B4GALT1: variants seen among roughly 807,000 people sequenced by gnomAD.
B4GALT1 encodes beta-1,4-galactosyltransferase 1, also known as N-acetyllactosamine synthase.
Under a neutral mutation model 34.9 loss-of-function variants are expected in B4GALT1, and 16 were observed. That is an observed-to-expected ratio of 0.46 (90% CI 0.31 to 0.70). The LOEUF is 0.70. Ranked by LOEUF, B4GALT1 falls within the 30% of genes least tolerant of loss-of-function variation. The probability of loss-of-function intolerance (pLI) is 0.05; values close to 1 mark genes in which losing one functional copy is unlikely to be tolerated. For missense variants in B4GALT1, 445 were observed against 530.5 expected, an observed-to-expected ratio of 0.84 and a Z score of 1.58; for synonymous variants, 221 against 218.1, an observed-to-expected ratio of 1.01 and a Z score of -0.12.
intron 1 of B4GALT1, among the ~76,000 whole-genome samples, chr9:33,148,632 C>T (rs1039598741): frequency 1.3e-5 from 2 of 152,140 alleles, no homozygotes; most frequent in South Asian, 2.1e-4. Flanking sequence ...GACATATACA[C>T]GGCAACGTGG....
chr9:33,165,847 A>G (rs1262028775), intron 1 of B4GALT1, among the ~76,000 whole-genome samples: 1 of 152,190 alleles, frequency 6.6e-6, no homozygotes, highest in Admixed American at 6.5e-5. Flanking sequence ...AAACTCACCT[A>G]CTCAAGCTCT....
At chr9:33,174,975 AAAAAAAAAAAAAAAAAT>A in the B4GALT1 span, among the ~76,000 whole-genome samples, 1 of 39,902 alleles carries the variant, frequency 2.5e-5, no homozygotes, top group Non-Finnish European at 5.4e-5. Flanking sequence ...AAAAAAAAAA[AAAAAAAAAAAAAAAAAT>A]ATATATATAT....
intron 1 of B4GALT1, among the ~76,000 whole-genome samples, chr9:33,160,316 T>A (rs1840655892): frequency 6.6e-6 from 1 of 152,232 alleles, no homozygotes; most frequent in Non-Finnish European, 1.5e-5. Context: ...TGAATGATTT[T>A]TTTAAGTTAT....
intron 1 of B4GALT1, among the ~76,000 whole-genome samples, chr9:33,135,814 A>T (rs1840260496): frequency 2.0e-5 from 3 of 152,070 alleles, no homozygotes; most frequent in Non-Finnish European, 4.4e-5. Flanking sequence ...GTTGAGACTT[A>T]GCTCTGTGAC....
At chr9:33,119,315 C>T (rs557444708) in intron 3 of B4GALT1, among the ~76,000 whole-genome samples, 7 of 152,338 alleles carry the variant, frequency 4.6e-5, no homozygotes, top group South Asian at 2.1e-4. Context: ...ATACGCTAGT[C>T]GGGCATCTGG....
At chr9:33,179,142 C>T in the B4GALT1 span, among the ~76,000 whole-genome samples, 6 of 152,248 alleles carry the variant, frequency 3.9e-5, no homozygotes, top group Admixed American at 3.3e-4. Context: ...TTATCATATT[C>T]TGCCTCTAGT....
chr9:33,175,940 C>G, the B4GALT1 span, among the ~76,000 whole-genome samples: 1 of 152,278 alleles, frequency 6.6e-6, no homozygotes, highest in African/African-American at 2.4e-5. Flanking sequence ...AGTGACTTTT[C>G]CCCCACACGT....
At chr9:33,182,350 T>G in the B4GALT1 span, among the ~76,000 whole-genome samples, 1 of 152,202 alleles carries the variant, frequency 6.6e-6, no homozygotes, top group Non-Finnish European at 1.5e-5. Flanking sequence ...CTTAACTAAT[T>G]GCATCTGCAA....
At chr9:33,160,750 A>G (rs1840662473) in intron 1 of B4GALT1, among the ~76,000 whole-genome samples, 1 of 152,080 alleles carries the variant, frequency 6.6e-6, no homozygotes, top group Non-Finnish European at 1.5e-5. Flanking sequence ...GACAGAGCAA[A>G]AACCCTGTCT....
chr9:33,166,960 G>A lies in B4GALT1; in HGVS notation c.210C>T (p.Ile70=), dbSNP rs769929115. The A allele has an allele frequency of 1.3e-6, 2 of 1,578,752 alleles. No homozygotes were observed. The highest frequency in any genetic ancestry group is 1.8e-5 in the Admixed American group (1 of 55,242). Residue 70 remains isoleucine (I), a synonymous_variant, in exon 1 of 6, where the codon ATC becomes ATT. Transcript: ENST00000379731. ...TCCGGAGCTCCCCGGAGGACTGCCC[G>A]ATGGCGGCGGCACTGTTCGAGCCGC... ...LQGGSNSAAA[I]GQSSGELRTG... is the part of the protein sequence containing the mutation.
upstream of B4GALT1, among the ~76,000 whole-genome samples, chr9:33,169,518 AT>A (rs10567394): frequency 0.5 from 65,931 of 132,274 alleles, 14,641 homozygotes; most frequent in East Asian, 0.67. Context: ...AACTGCTTGA[AT>A]TTTTTTTTTT....
Position 33,113,253 on chromosome 9 carries a change from G to T in B4GALT1, c.*201C>A. On this transcript the variant is annotated 3_prime_UTR_variant, in exon 6 of 6. Coordinates refer to ENST00000379731, the MANE Select transcript of B4GALT1 (RefSeq NM_001497.4). ...CGCAAAGGCATAAACACCTTGCAGA[G>T]CTAAGAATTCACATGCCGAGCCAAG... The T allele has an allele frequency of 1.4e-6, 1 of 699,784 alleles. No homozygotes were observed. Among genetic ancestry groups the T allele is most frequent in the Non-Finnish European group, 2.5e-6 (1 of 402,880 alleles). 43.3% of individuals were successfully genotyped at this position (699,784 alleles called of 1,614,324 possible). A position where few individuals can be genotyped will look rare whatever the true frequency, so the allele number is the denominator to read the frequency against.
chr9:33,118,922 C>T (rs756545173), intron 3 of B4GALT1, among the ~76,000 whole-genome samples: 4 of 151,604 alleles, frequency 2.6e-5, no homozygotes, highest in South Asian at 2.1e-4. Flanking sequence ...AGTTCAATGG[C>T]GCGATCTCAA....
At chr9:33,118,729 T>G (rs763660344) in intron 3 of B4GALT1, among the ~76,000 whole-genome samples, 1 of 152,100 alleles carries the variant, frequency 6.6e-6, no homozygotes, top group Non-Finnish European at 1.5e-5. Flanking sequence ...GCTGTCTACA[T>G]GAGCCAACCA....
intron 2 of B4GALT1, among the ~76,000 whole-genome samples, chr9:33,134,963 G>A (rs999121560): frequency 3.9e-5 from 6 of 152,142 alleles, no homozygotes; most frequent in South Asian, 2.1e-4. Context: ...ACAGAACAAC[G>A]AAAACACTCC....
rs1016218681 is a variant in B4GALT1 at position 33,167,332 on chromosome 9, G to T, written c.-163C>A. 1.1e-4 allele frequency: 104 copies of T among 959,524 alleles called. 1 individual carries two copies. The highest frequency in any genetic ancestry group is 1.3e-4 in the Non-Finnish European group (97 of 728,920). 59.4% of individuals were successfully genotyped at this position (959,524 alleles called of 1,614,324 possible). A position where few individuals can be genotyped will look rare whatever the true frequency, so the allele number is the denominator to read the frequency against. ...AGACTCCTCCAGCCAGCCAGACCTG[G>T]GAGCGGCGAGAAGCCGCCCGAGGCG... On this transcript the variant is annotated 5_prime_UTR_variant, in exon 1 of 6. Coordinates refer to ENST00000379731, the MANE Select transcript of B4GALT1 (RefSeq NM_001497.4).
chr9:33,172,279 T>G (rs560897111), upstream of B4GALT1, among the ~76,000 whole-genome samples: 58 of 152,230 alleles, frequency 3.8e-4, no homozygotes, highest in African/African-American at 1.4e-3. Flanking sequence ...GGGTGGATTC[T>G]GAGATTAGTA....
intron 1 of B4GALT1, among the ~76,000 whole-genome samples, chr9:33,161,032 TC>T (rs1294781647): frequency 6.6e-6 from 1 of 151,672 alleles, no homozygotes; most frequent in African/African-American, 2.4e-5. Context: ...TCTCTCTCTC[TC>T]TCTCTCTCTC....
chr9:33,111,034 G>C lies in B4GALT1; in HGVS notation c.*2420C>G, dbSNP rs978042680. 1 of 151,868 alleles carries C rather than the reference G, an allele frequency of 6.6e-6. No individual in the cohort carries two copies. The highest frequency in any genetic ancestry group is 1.9e-4 in the East Asian group (1 of 5,154). The allele number at this position is 151,868 out of a possible 1,614,324, so 9.4% of individuals were successfully genotyped here. The stretch of plus-strand genomic sequence containing the variant: ...TTCGCGGTCATAACTCCCAGGAAAA[G>C]GAAATGCTCCCTGAACCCCCAGCCC... On this transcript the variant is annotated 3_prime_UTR_variant, in exon 6 of 6. Transcript: ENST00000379731.
Sources: gnomAD v4.1 joint callset for allele counts (sites outside exome capture counted in the v4.1 genomes callset) on GRCh38, gnomAD v4.1.1 for gene constraint, MANE v1.5 for transcripts, NCBI Gene and HGNC (gene_info 2026-07-23, HGNC 2026-07-21) for gene names.